CSPG4: variants seen among roughly 807,000 people sequenced by gnomAD.
CSPG4 encodes the protein chondroitin sulfate proteoglycan 4.
In CSPG4, 74 loss-of-function variants were observed where a neutral mutation model predicts 139.3. That is an observed-to-expected ratio of 0.53 (90% CI 0.44 to 0.64). CSPG4 has a LOEUF of 0.64. CSPG4 is among the 30% of genes least tolerant of loss of function. The pLI is 0.00. For synonymous variants in CSPG4, 1,234 were observed against 1,394.2 expected (o/e 0.89, Z 2.56); for missense variants, 2,565 against 3,148.3 (o/e 0.81, Z 4.43).
chr15:75,694,443 A>G (rs1189562720), intron 1 of CSPG4, among the ~76,000 whole-genome samples: 2 of 152,322 alleles, frequency 1.3e-5, no homozygotes, highest in South Asian at 4.1e-4. Context: ...AAAAACGGTG[A>G]TTCATTCCTG....
chr15:75,685,939 G>A (rs190425242), intron 3 of CSPG4, among the ~76,000 whole-genome samples: 10 of 152,278 alleles, frequency 6.6e-5, no homozygotes, highest in East Asian at 1.9e-4. Context: ...CCAGGCTGGA[G>A]TGCAGTGGTA....
At chr15:75,697,929 G>C (rs1263628752) in intron 1 of CSPG4, among the ~76,000 whole-genome samples, 1 of 152,250 alleles carries the variant, frequency 6.6e-6, no homozygotes, top group African/African-American at 2.4e-5. Flanking sequence ...TAACATGGGA[G>C]AAAGTTATTA....
rs1893991114 is a variant in CSPG4, at chr15:75,682,688, G to A, written c.4702C>T (p.Pro1568Ser). The A allele has an allele frequency of 6.2e-7, 1 of 1,613,082 alleles. No individual in the cohort carries two copies. Among genetic ancestry groups the A allele is most frequent in the East Asian group, 2.2e-5 (1 of 44,884 alleles). The change falls in exon 7 of 10, where the codon CCC becomes TCC. Residue 1568 changes from proline to serine, a missense_variant. Physicochemically the swap from Pro to Ser is moderately conservative, Grantham distance 74. Transcript: ENST00000308508. ...FRLSDGEHTS[P>S]GHFFRVTAQK... ...GCCGTCACTCGGAAGAAGTGTCCGG[G>A]GGAAGTGTGCTCGCCGTCAGAGAGG...
rs762280104 is a variant in CSPG4 at position 75,690,643 on chromosome 15, T to A, written c.422A>T (p.Glu141Val). Reference protein sequence around the residue: ...ASSAVPGAPLEVPYGLFVGGT... With the variant: ...ASSAVPGAPLVVPYGLFVGGT... ...CCCAACAAAGAGCCCATAGGGGACC[T>A]CTAGGGGGGCTCCTGGGACTGCTGA... The change falls in exon 3 of 10, where the codon GAG becomes GTG. Residue 141 changes from glutamate (E) to valine (V), a missense_variant. Glu to Val is a moderately radical substitution (Grantham distance 121). This residue lies in a region of CSPG4 where 132 missense variants were observed against 132.3 expected (regional missense o/e 1.00). Coordinates refer to ENST00000308508, the MANE Select transcript of CSPG4 (RefSeq NM_001897.5). The A allele has an allele frequency of 6.2e-7, 1 of 1,611,760 alleles. No individual in the cohort carries two copies. Among genetic ancestry groups the A allele is most frequent in the Non-Finnish European group, 8.5e-7 (1 of 1,179,882 alleles).
At chr15:75,706,844 G>A (rs1382641119) in intron 1 of CSPG4, among the ~76,000 whole-genome samples, 1 of 152,094 alleles carries the variant, frequency 6.6e-6, no homozygotes, top group Non-Finnish European at 1.5e-5. Context: ...ACATAGCACA[G>A]CACAGTTGAG....
At position 75,677,040 on chromosome 15, in the gene CSPG4, C is replaced by A. The variant is rs1216335981; in HGVS notation, c.5479G>T (p.Asp1827Tyr). Reference protein sequence around the residue: ...TSEAFAITVRDVNERPPQPQA... With the variant: ...TSEAFAITVRYVNERPPQPQA... ...GGCTGAGGGGGCCGCTCATTTACAT[C>A]CCTCACCGTGATGGCAAAGGCCTCT... The change falls in exon 10 of 10, where the codon GAT (aspartate) becomes TAT (tyrosine). Residue 1827 changes from aspartate (D) to tyrosine (Y), a missense_variant. Transcript: ENST00000308508. 1.4e-6 allele frequency: 2 copies of A among 1,428,350 alleles called. No homozygotes were observed. The highest frequency in any genetic ancestry group is 1.4e-5 in the African/African-American group (1 of 69,288). 88.5% of individuals were successfully genotyped at this position (1,428,350 alleles called of 1,614,324 possible). A position where few individuals can be genotyped will look rare whatever the true frequency, so the allele number is the denominator to read the frequency against.
Position 75,712,814 on chromosome 15 carries a change from C to G in CSPG4, c.-59G>C. The G allele has an allele frequency of 7.0e-7, 1 of 1,418,570 alleles. No individual in the cohort carries two copies. The highest frequency in any genetic ancestry group is 1.5e-5 in the African/African-American group (1 of 67,510). The allele number at this position is 1,418,570 out of a possible 1,614,324, so 87.9% of individuals were successfully genotyped here. A position where few individuals can be genotyped will look rare whatever the true frequency, so the allele number is the denominator to read the frequency against. ...CCAGCGGAGTCCTGGGAGCTGGGAG[C>G]TGAGTGGAGCGAGCGCGGCTCTGCT... is the stretch of plus-strand genomic sequence containing the variant. On this transcript the variant is annotated 5_prime_UTR_variant, in exon 1 of 10. Transcript: ENST00000308508.
intron 1 of CSPG4, among the ~76,000 whole-genome samples, chr15:75,701,608 C>G (rs1894301958): frequency 6.6e-6 from 1 of 152,160 alleles, no homozygotes; most frequent in Non-Finnish European, 1.5e-5. Flanking sequence ...GCTGTGCCCA[C>G]CGCCACCACA....
Position 75,688,824 on chromosome 15 carries a change from G to T in CSPG4, c.2241C>A (p.Asp747Glu). Reference sequence around the variant, plus strand: ...CGGTGTCGTAAGCGTGGTGCTGTGGGTCAGTGCTCAGGTACCTCACGCGGC... The same window carrying T: ...CGGTGTCGTAAGCGTGGTGCTGTGGTTCAGTGCTCAGGTACCTCACGCGGC... ...EQGRVRYLST[D>E]PQHHAYDTVE... is the part of the protein sequence containing the mutation. Residue 747 changes from aspartate (D) to glutamate (E), a missense_variant, in exon 3 of 10, where the codon GAC becomes GAA. Physicochemically the swap from Asp to Glu is conservative, Grantham distance 45. Around this residue, in one of 5 missense-constraint regions of CSPG4, gnomAD observed 2,316 missense variants for 2,818.2 expected, o/e 0.82. Coordinates refer to ENST00000308508, the MANE Select transcript of CSPG4 (RefSeq NM_001897.5). 1 of 1,612,856 alleles carries T rather than the reference G, an allele frequency of 6.2e-7. No individual in the cohort carries two copies. Among genetic ancestry groups the T allele is most frequent in the African/African-American group, 1.3e-5 (1 of 75,046 alleles).
In CSPG4 at chr15:75,676,745, G is replaced by A. The variant is rs773588443; in HGVS notation, c.5774C>T (p.Ala1925Val). 1.3e-6 allele frequency: 2 copies of A among 1,570,286 alleles called. No homozygotes were observed. The highest frequency in any genetic ancestry group is 1.3e-5 in the African/African-American group (1 of 74,080). The stretch of plus-strand genomic sequence containing the variant: ...CAGGGACATGGGCAGGGGTGGGCTG[G>A]CCCCATCAGACATGCTCAGCTGGAA... ...GIFQLSMSDG[A>V]SPPLPMSLAV... Residue 1925 changes from alanine (A) to valine (V), a missense_variant, in exon 10 of 10, where the codon GCC (alanine) becomes GTC (valine). Coordinates refer to ENST00000308508, the MANE Select transcript of CSPG4 (RefSeq NM_001897.5).
chr15:75,687,817 T>C lies in CSPG4; in HGVS notation c.3248A>G (p.Gln1083Arg). The C allele has an allele frequency of 1.2e-6, 2 of 1,612,928 alleles. No individual in the cohort carries two copies. The highest frequency in any genetic ancestry group is 1.7e-6 in the Non-Finnish European group (2 of 1,180,020). ...TACTCGCCTCTTCCTGAGGTCCTCC[T>C]GGGTGAAGCGGTAGATGGGCCGCGT... ...EPTRPIYRFT[Q>R]EDLRKRRVLF... is the part of the protein sequence containing the mutation. Residue 1083 changes from glutamine (Q) to arginine (R), a missense_variant, in exon 3 of 10, where the codon CAG becomes CGG. By Grantham distance (43) the Gln-to-Arg change is conservative. Coordinates refer to ENST00000308508, the MANE Select transcript of CSPG4 (RefSeq NM_001897.5). This position sits in a 1 kb window ranked among gnomAD's most constrained non-coding sequence, Gnocchi z 5.4.
chr15:75,707,730 G>A lies in CSPG4; in HGVS notation c.88+4938C>T, dbSNP rs770693657. ...CTGCATGAATTGGGGTGGGGCAGGC[G>A]TCCCATATTCCCAAGCTCAGCTGCC... On this transcript the variant is annotated intron_variant, in intron 1 of 9. Transcript: ENST00000308508. Among the ~76,000 whole-genome samples the A allele has an allele frequency of 7.9e-5, 12 of 152,244 alleles. No homozygotes were observed. The South Asian group carries it at 8.3e-4, about 11-fold the overall frequency.
intron 1 of CSPG4, among the ~76,000 whole-genome samples, chr15:75,707,946 C>T (rs1048554881): frequency 6.6e-6 from 1 of 151,880 alleles, no homozygotes; most frequent in Admixed American, 6.5e-5. Flanking sequence ...AGCTACCCCC[C>T]AAACCAGGGC....
rs1894252111 is a variant in CSPG4 at position 75,698,190 on chromosome 15, G to A, written c.89-4957C>T. On this transcript the variant is annotated intron_variant, in intron 1 of 9. Coordinates refer to ENST00000308508, the MANE Select transcript of CSPG4 (RefSeq NM_001897.5). This position sits in a 1 kb window ranked among gnomAD's most constrained non-coding sequence, Gnocchi z 4.3. ...GCCCCTCGGGGTTTGGCACCACGGC[G>A]GGAGATCCTGGCTCCAGGTCTGGGC... Among the ~76,000 whole-genome samples, 2 of 152,140 alleles carry A rather than the reference G, an allele frequency of 1.3e-5. No homozygotes were observed. Among genetic ancestry groups the A allele is most frequent in the East Asian group, 1.9e-4 (1 of 5,160 alleles).
At position 75,699,279 on chromosome 15, in the gene CSPG4, A is replaced by T. The variant is rs528128761; in HGVS notation, c.89-6046T>A. On this transcript the variant is annotated intron_variant, in intron 1 of 9. Transcript: ENST00000308508. ...CAGAGACCTCTGTCGGGGTCAGGGC[A>T]GCACCAAAAACTCTTGAGCCAAGAG... Among the ~76,000 whole-genome samples, 46 of 152,328 alleles carry T rather than the reference A, an allele frequency of 3.0e-4. No individual in the cohort carries two copies. The South Asian group carries it at 8.1e-3, about 27-fold the overall frequency.
chr15:75,686,310 G>A (rs184225973), intron 3 of CSPG4, among the ~76,000 whole-genome samples: 3 of 152,196 alleles, frequency 2.0e-5, no homozygotes, highest in Non-Finnish European at 2.9e-5. Context: ...CTCAGGATCC[G>A]TTCAGGCCTG....
intron 1 of CSPG4, among the ~76,000 whole-genome samples, chr15:75,708,815 C>T (rs1213960790): frequency 6.6e-6 from 1 of 152,178 alleles, no homozygotes; most frequent in Non-Finnish European, 1.5e-5. Flanking sequence ...TTGCTTGAGC[C>T]CAGGAGTTCG....
rs766108554 is a variant in CSPG4 at position 75,689,043 on chromosome 15, G to A, written c.2022C>T (p.Ala674=). 6.2e-7 allele frequency: 1 copy of A among 1,611,564 alleles called. No homozygotes were observed. Among genetic ancestry groups the A allele is most frequent in the Non-Finnish European group, 8.5e-7 (1 of 1,179,964 alleles). Residue 674 remains alanine (A), a synonymous_variant, in exon 3 of 10, where the codon GCC becomes GCT. Transcript: ENST00000308508. ...GCAAGATGGGCATGGCAGAGCCTTG[G>A]GCCAGTCGCAACCCTGTGCTGCGGT... ...QIHRSTGLRL[A]QGSAMPILPA...
rs1438423780 is a variant in CSPG4, at chr15:75,682,914, G to A, written c.4577C>T (p.Ala1526Val). ...GAAGCTGCGCACCTCAGTGCCCGGC[G>A]CCCCCCGCAGCACTACCCGCCCGTT... ...PSNGRVVLRG[A>V]PGTEVRSFTQ... is the part of the protein sequence containing the mutation. Residue 1526 changes from alanine to valine, a missense_variant, in exon 6 of 10, where the codon GCG becomes GTG. This residue lies in a region of CSPG4 where 2,316 missense variants were observed against 2,818.2 expected (regional missense o/e 0.82). Coordinates refer to ENST00000308508, the MANE Select transcript of CSPG4 (RefSeq NM_001897.5). 3.7e-6 allele frequency: 6 copies of A among 1,610,736 alleles called. No homozygotes were observed. The highest frequency in any genetic ancestry group is 1.7e-5 in the Admixed American group (1 of 59,930).
Sources: gnomAD v4.1 joint callset for allele counts (sites outside exome capture counted in the v4.1 genomes callset) on GRCh38, gnomAD v4.1.1 for gene constraint, gnomAD v4.1.1 regional missense constraint, Gnocchi (gnomAD v3.1) non-coding constraint, MANE v1.5 for transcripts, NCBI Gene and HGNC (gene_info 2026-07-23, HGNC 2026-07-21) for gene names.